Variants in MYO9B observed in about 807,000 individuals in gnomAD.
MYO9B encodes the protein myosin IXB, also known as unconventional myosin-IXb.
A neutral mutation model predicts 229.5 loss-of-function variants in MYO9B; 71 were observed. The observed-to-expected ratio is 0.31, with a 90% confidence interval of 0.26 to 0.38. MYO9B has a LOEUF of 0.38. Ranked by LOEUF, MYO9B falls within the 10% of genes least tolerant of loss-of-function variation. The pLI is 1.00. For missense variants in MYO9B, 2,255 were observed against 2,920.5 expected, an observed-to-expected ratio of 0.77 and a Z score of 5.25; for synonymous variants, 1,185 against 1,235.8, an observed-to-expected ratio of 0.96 and a Z score of 0.86.
intron 15 of MYO9B, among the ~76,000 whole-genome samples, chr19:17,181,569 A>G (rs2072861076): frequency 6.6e-6 from 1 of 152,160 alleles, no homozygotes; most frequent in African/African-American, 2.4e-5. Flanking sequence ...CAAATGGGGT[A>G]ATGACTCTCA....
At chr19:17,096,095 C>T (rs2057685621) in intron 1 of MYO9B, among the ~76,000 whole-genome samples, 2 of 152,128 alleles carry the variant, frequency 1.3e-5, no homozygotes, top group Non-Finnish European at 2.9e-5. Flanking sequence ...TCACTCAGCC[C>T]AACAATTCTG....
At position 17,172,794 on chromosome 19, in the gene MYO9B, A is replaced by G. The variant is rs1259431710; in HGVS notation, c.1971A>G (p.Pro657=). Residue 657 remains proline, a synonymous_variant, in exon 13 of 40, where the codon CCA becomes CCG. Coordinates refer to ENST00000682292, the MANE Select transcript of MYO9B (RefSeq NM_004145.4). This position sits in a 1 kb window ranked among gnomAD's most constrained non-coding sequence, Gnocchi z 8.2. ...AGAAGAACATGGACTACATGCGGCC[A>G]GACATCGTGGCCCTGCTGCGGGGCA... The part of the protein sequence containing the change: ...FREKNMDYMR[P]DIVALLRGSD... 2 of 1,613,542 alleles carry G rather than the reference A, an allele frequency of 1.2e-6. No homozygotes were observed. The highest frequency in any genetic ancestry group is 1.7e-6 in the Non-Finnish European group (2 of 1,179,890).
intron 1 of MYO9B, among the ~76,000 whole-genome samples, chr19:17,097,695 C>G (rs1177397128): frequency 6.6e-6 from 1 of 152,154 alleles, no homozygotes; most frequent in East Asian, 1.9e-4. Context: ...TTTCTTTCAG[C>G]CTCAGCCCTT....
intron 11 of MYO9B, among the ~76,000 whole-genome samples, chr19:17,171,677 C>T (rs751821330): frequency 6.6e-6 from 1 of 152,176 alleles, no homozygotes; most frequent in African/African-American, 2.4e-5. Flanking sequence ...CCTGGCTGGG[C>T]GCGGTGGCTC....
chr19:17,086,730 A>G (rs905778452), intron 1 of MYO9B, among the ~76,000 whole-genome samples: 4 of 152,058 alleles, frequency 2.6e-5, no homozygotes, highest in African/African-American at 9.7e-5. Flanking sequence ...AAATACAAAA[A>G]TTAGCTGGGT....
chr19:17,120,980 T>C (rs1235312209), intron 2 of MYO9B, among the ~76,000 whole-genome samples: 3 of 152,160 alleles, frequency 2.0e-5, no homozygotes, highest in Non-Finnish European at 2.9e-5. Context: ...TCTGGCTCTA[T>C]CGCCCAGGCT....
At chr19:17,169,392 A>G (rs2072696278) in intron 11 of MYO9B, among the ~76,000 whole-genome samples, 1 of 142,294 alleles carries the variant, frequency 7.0e-6, no homozygotes, top group East Asian at 2.0e-4. Context: ...AAAAAAAAAA[A>G]GATTCCATCT....
intron 2 of MYO9B, among the ~76,000 whole-genome samples, chr19:17,119,440 G>A (rs1488475094): frequency 6.6e-6 from 1 of 152,178 alleles, no homozygotes; most frequent in Non-Finnish European, 1.5e-5. Flanking sequence ...GTGCTGAGAT[G>A]GAGTCACAGG....
chr19:17,091,960 C>T (rs995925852), intron 1 of MYO9B, among the ~76,000 whole-genome samples: 1 of 152,208 alleles, frequency 6.6e-6, no homozygotes, highest in African/African-American at 2.4e-5. Flanking sequence ...GCAGAAGCCC[C>T]CACAGGCTTT....
At chr19:17,113,653 CCCGG>C (rs2057871175) in intron 2 of MYO9B, among the ~76,000 whole-genome samples, 1 of 152,066 alleles carries the variant, frequency 6.6e-6, no homozygotes, top group African/African-American at 2.4e-5. Context: ...AGCTGGGCAC[CCCGG>C]GCACCACAGG....
intron 2 of MYO9B, among the ~76,000 whole-genome samples, chr19:17,137,404 AAAC>A (rs777293417): frequency 1.3e-4 from 20 of 152,008 alleles, no homozygotes; most frequent in East Asian, 5.8e-4. Context: ...TCCCTGTCTC[AAAC>A]AACAACAACA....
rs975433119 is a variant in MYO9B, at chr19:17,180,799, C to T, written c.2220-128C>T. Reference sequence around the variant, plus strand: ...GCAGCATTGAGCACAGTGTCTTTCCCCCAGCTGCATGTTTTGGCTTCAGTG... The same window carrying T: ...GCAGCATTGAGCACAGTGTCTTTCCTCCAGCTGCATGTTTTGGCTTCAGTG... On this transcript the variant is annotated intron_variant, in intron 14 of 39. Coordinates refer to ENST00000682292, the MANE Select transcript of MYO9B (RefSeq NM_004145.4). 19 of 608,832 alleles carry T rather than the reference C, an allele frequency of 3.1e-5. No individual in the cohort carries two copies. The Admixed American group carries it at 5.8e-4, about 18-fold the overall frequency. 37.7% of individuals were successfully genotyped at this position (608,832 alleles called of 1,614,324 possible). A position where few individuals can be genotyped will look rare whatever the true frequency, so the allele number is the denominator to read the frequency against.
intron 2 of MYO9B, 37 bp downstream of exon 2, chr19:17,102,594 A>G (rs2057755748): frequency 6.6e-7 from 1 of 1,506,204 alleles, no homozygotes; most frequent in Non-Finnish European, 8.9e-7. Flanking sequence ...GGGAGGGGGC[A>G]TTTGTTTGGA....
intron 1 of MYO9B, among the ~76,000 whole-genome samples, chr19:17,093,018 A>G (rs1353466369): frequency 1.3e-5 from 2 of 152,170 alleles, no homozygotes; most frequent in Non-Finnish European, 2.9e-5. Context: ...GCACACACAC[A>G]TTCATGCATG....
rs533333421 is a variant in MYO9B, at chr19:17,167,487, T to G, written c.1672-456T>G. ...TTATTAGAGCTATTTTTTTTTTTTT[T>G]TTTTTGTGACGGAGTTTCGCTCTTG... On this transcript the variant is annotated intron_variant, in intron 10 of 39. Coordinates refer to ENST00000682292, the MANE Select transcript of MYO9B (RefSeq NM_004145.4). Among the ~76,000 whole-genome samples the G allele has an allele frequency of 2.1e-3, 310 of 149,840 alleles. 3 individuals carry two copies. The highest frequency in any genetic ancestry group is 7.5e-3 in the African/African-American group (300 of 40,078).
At chr19:17,184,038 T>C (rs765034288) in intron 16 of MYO9B, 170 bp downstream of exon 16, 1 of 686,422 alleles carries the variant, frequency 1.5e-6, no homozygotes, top group Non-Finnish European at 2.4e-6. Context: ...AGCTGTCTCT[T>C]TATGGGTTTC....
At chr19:17,087,962 T>C (rs1172742440) in intron 1 of MYO9B, among the ~76,000 whole-genome samples, 4 of 144,502 alleles carry the variant, frequency 2.8e-5, no homozygotes, top group Non-Finnish European at 6.0e-5. Context: ...TAGCCAGGCG[T>C]GGTGGTGGGT....
At chr19:17,183,788 T>A (rs2072887270) in intron 15 of MYO9B, 41 bp from the exon 16 acceptor site, 1 of 1,519,696 alleles carries the variant, frequency 6.6e-7, no homozygotes, top group Non-Finnish European at 8.9e-7. Flanking sequence ...CCCGACACTG[T>A]GTTCCTTTTG....
Position 17,131,266 on chromosome 19 carries a change from ACC to A in MYO9B, c.841-14130_841-14129del, listed in dbSNP as rs1240045553. 2.0e-5 allele frequency among the ~76,000 whole-genome samples: 3 copies of A among 152,166 alleles called. No homozygotes were observed. The East Asian group carries it at 5.8e-4, about 29-fold the overall frequency. On this transcript the variant is annotated intron_variant, in intron 2 of 39. Coordinates refer to ENST00000682292, the MANE Select transcript of MYO9B (RefSeq NM_004145.4). ...GCATCCTGCCCATGTGTTAATGAGT[ACC>A]ATTGAATAATCCTTTTTTGAGACGG...
Sources: gnomAD v4.1 joint callset for allele counts (sites outside exome capture counted in the v4.1 genomes callset) on GRCh38, gnomAD v4.1.1 for gene constraint, Gnocchi (gnomAD v3.1) non-coding constraint, MANE v1.5 for transcripts, NCBI Gene and HGNC (gene_info 2026-07-23, HGNC 2026-07-21) for gene names.